ZDHHC11B: variants seen among roughly 807,000 people sequenced by gnomAD.
ZDHHC11B encodes probable palmitoyltransferase ZDHHC11B.
ZDHHC11B carries 17 observed loss-of-function variants against 42.3 expected under a neutral mutation model. The observed-to-expected ratio is 0.40, with a 90% CI of 0.27 to 0.60. The LOEUF (loss-of-function observed/expected upper bound fraction) is 0.60. ZDHHC11B is among the 20% of genes least tolerant of loss of function. The pLI is 0.41. For missense variants in ZDHHC11B, 262 were observed against 463.2 expected (o/e 0.57, Z 3.99); for synonymous variants, 123 against 193.5 (o/e 0.64, Z 3.02).
chr5:717,325 T>A (rs1368693743), intron 12 of ZDHHC11B, among the ~76,000 whole-genome samples: 1 of 151,566 alleles, frequency 6.6e-6, no homozygotes, highest in Non-Finnish European at 1.5e-5. Flanking sequence ...TTCTCTGCCC[T>A]GATGTTACAC....
chr5:771,290 A>G (rs1469647469), intron 1 of ZDHHC11B, among the ~76,000 whole-genome samples: 2 of 151,554 alleles, frequency 1.3e-5, no homozygotes, highest in Non-Finnish European at 3.0e-5. Flanking sequence ...AATTCCCCCA[A>G]AACAGCCGGA....
chr5:775,782 C>T lies in ZDHHC11B; in HGVS notation c.-229-6852G>A, dbSNP rs192744232. ...GCTGGCTCAGATGCCTCTCTCCAAC[C>T]CCTTCCTTCCATGCCCTCGGGGCAC... On this transcript the variant is annotated intron_variant, in intron 1 of 13. Coordinates refer to ENST00000508859, the MANE Select transcript of ZDHHC11B (RefSeq NM_001351303.2). Among the ~76,000 whole-genome samples the T allele has an allele frequency of 4.0e-5, 6 of 151,838 alleles. No homozygotes were observed. In the East Asian group the frequency reaches 1.2e-3, roughly 29 times the overall value.
chr5:714,426 A>C lies in ZDHHC11B; in HGVS notation c.*8-2144T>G, dbSNP rs569796523. ...ACTGAAGAAGTGTTTTGTGTGCTCTACAGTAATTCACAACTCTAAGACGTT... is the reference window on the plus strand; with the variant it reads ...ACTGAAGAAGTGTTTTGTGTGCTCTCCAGTAATTCACAACTCTAAGACGTT... On this transcript the variant is annotated intron_variant, in intron 13 of 13. Coordinates refer to ENST00000508859, the MANE Select transcript of ZDHHC11B (RefSeq NM_001351303.2). Among the ~76,000 whole-genome samples, 934 of 143,440 alleles carry C rather than the reference A, an allele frequency of 6.5e-3. 9 individuals carry two copies. The highest frequency in any genetic ancestry group is 0.021 in the Middle Eastern group (6 of 282). 94.1% of individuals were successfully genotyped at this position (143,440 alleles called of 152,430 possible).
chr5:770,900 G>A (rs1204159538), intron 1 of ZDHHC11B, among the ~76,000 whole-genome samples: 1 of 151,960 alleles, frequency 6.6e-6, no homozygotes, highest in Non-Finnish European at 1.5e-5. Flanking sequence ...CACCCAGGCA[G>A]GGCTTGGGGA....
intron 4 of ZDHHC11B, among the ~76,000 whole-genome samples, chr5:761,089 G>C (rs941604181): frequency 2.7e-4 from 41 of 151,946 alleles, no homozygotes; most frequent in African/African-American, 9.2e-4. Context: ...AACCTCGGCC[G>C]GATTCTGGAT....
chr5:713,202 A>G (rs1399960179), intron 13 of ZDHHC11B, among the ~76,000 whole-genome samples: 1 of 151,640 alleles, frequency 6.6e-6, no homozygotes, highest in Non-Finnish European at 1.5e-5. Flanking sequence ...CTTTGTATCT[A>G]TTTCAGTAAG....
At chr5:758,867 G>A (rs964396518) in intron 4 of ZDHHC11B, among the ~76,000 whole-genome samples, 6 of 151,906 alleles carry the variant, frequency 3.9e-5, no homozygotes, top group Non-Finnish European at 7.4e-5. Flanking sequence ...TGGGACATCC[G>A]TCACCCATAG....
rs1423770827 is a variant in ZDHHC11B, at chr5:731,003, T to C, written c.1024-535A>G. On this transcript the variant is annotated intron_variant, in intron 11 of 13. Transcript: ENST00000508859. ...CTTGTTCCAACGCCCCATGTGTGGT[T>C]CCTGCTTGTGGAAGCTCTAGCAAAG... is the stretch of plus-strand genomic sequence containing the variant. Among the ~76,000 whole-genome samples, 6 of 151,972 alleles carry C rather than the reference T, an allele frequency of 3.9e-5. 1 individual carries two copies. The highest frequency in any genetic ancestry group is 7.3e-5 in the African/African-American group (3 of 41,310).
intron 1 of ZDHHC11B, among the ~76,000 whole-genome samples, 142 bp downstream of exon 1, chr5:784,526 A>T (rs190439409): frequency 6.7e-6 from 1 of 149,966 alleles, no homozygotes; most frequent in Admixed American, 6.6e-5. Flanking sequence ...AGGGACGCGC[A>T]GGGCGGCCCG....
At chr5:767,303 C>T (rs1218273913) in intron 3 of ZDHHC11B, 89 bp downstream of exon 3, 9 of 1,428,644 alleles carry the variant, frequency 6.3e-6, no homozygotes, top group Middle Eastern at 1.8e-4. Flanking sequence ...GCCCTCTCCC[C>T]ACCCACACAC....
chr5:765,353 C>T (rs1475599903), intron 4 of ZDHHC11B, among the ~76,000 whole-genome samples: 1 of 151,880 alleles, frequency 6.6e-6, no homozygotes, highest in Non-Finnish European at 1.5e-5. Context: ...TGTAAATACA[C>T]CAATCAGCAC....
At chr5:758,490 C>G (rs1734155509) in intron 4 of ZDHHC11B, among the ~76,000 whole-genome samples, 1 of 151,866 alleles carries the variant, frequency 6.6e-6, no homozygotes, top group African/African-American at 2.4e-5. Flanking sequence ...TGGTGTGGCC[C>G]TAACCGGGAC....
At chr5:736,062 G>T (rs1462159702) in intron 10 of ZDHHC11B, among the ~76,000 whole-genome samples, 1 of 149,460 alleles carries the variant, frequency 6.7e-6, no homozygotes, top group African/African-American at 2.5e-5. Context: ...AGTATCTGCT[G>T]TCTTCAAGAG....
At chr5:728,914 G>T (rs1362151286) in intron 12 of ZDHHC11B, among the ~76,000 whole-genome samples, 7 of 151,750 alleles carry the variant, frequency 4.6e-5, no homozygotes, top group Admixed American at 2.6e-4. Flanking sequence ...TTGGGAGGCT[G>T]AGGTGGGTGG....
chr5:716,945 T>C (rs1451291318), intron 12 of ZDHHC11B, 80 bp from the exon 13 acceptor site: 4 of 1,598,430 alleles, frequency 2.5e-6, no homozygotes, highest in Non-Finnish European at 3.4e-6. Flanking sequence ...GCACAAAATG[T>C]GTAAACAAGA....
chr5:751,409 G>T (rs2878472), intron 6 of ZDHHC11B, among the ~76,000 whole-genome samples, 152 bp from the exon 7 acceptor site: 2 of 55,542 alleles, frequency 3.6e-5, no homozygotes, highest in Non-Finnish European at 4.8e-5. Flanking sequence ...CGCAAGGGCA[G>T]GTGTGGGACA....
At chr5:775,740 C>G (rs1193930288) in intron 1 of ZDHHC11B, among the ~76,000 whole-genome samples, 1 of 151,796 alleles carries the variant, frequency 6.6e-6, no homozygotes, top group African/African-American at 2.4e-5. Context: ...CTGCAGGATG[C>G]CCCTGGCAGG....
chr5:759,394 C>G (rs1734289406), intron 4 of ZDHHC11B, among the ~76,000 whole-genome samples: 1 of 151,966 alleles, frequency 6.6e-6, no homozygotes, highest in Non-Finnish European at 1.5e-5. Context: ...TTATCAATCC[C>G]TGCGGGGTTC....
intron 9 of ZDHHC11B, among the ~76,000 whole-genome samples, chr5:741,952 G>A (rs378696): frequency 7.7e-6 from 1 of 130,280 alleles, no homozygotes; most frequent in Non-Finnish European, 1.6e-5. Flanking sequence ...AACTTCACCA[G>A]CCCTCGGTGG....
Sources: gnomAD v4.1 joint callset for allele counts (sites outside exome capture counted in the v4.1 genomes callset) on GRCh38, gnomAD v4.1.1 for gene constraint, MANE v1.5 for transcripts, NCBI Gene and HGNC (gene_info 2026-07-23, HGNC 2026-07-21) for gene names.